The following USP28 variants were observed in gnomAD, a reference collection of about 807,000 sequenced individuals.
USP28 encodes ubiquitin specific peptidase 28.
USP28 carries 113 observed loss-of-function variants against 145.0 expected under a neutral mutation model. The ratio of observed to expected loss-of-function variants is 0.78; its 90% CI spans 0.67 to 0.91. USP28 has a LOEUF of 0.91. USP28 is among the 40% of genes least tolerant of loss of function. The probability of loss-of-function intolerance (pLI) is 0.00; values close to 1 mark genes in which losing one functional copy is unlikely to be tolerated. For synonymous variants in USP28, 447 were observed against 450.9 expected, an observed-to-expected ratio of 0.99 and a Z score of 0.11; for missense variants, 1,201 against 1,289.6, an observed-to-expected ratio of 0.93 and a Z score of 1.05.
At chr11:113,852,153 C>T (rs903479076) in intron 3 of USP28, among the ~76,000 whole-genome samples, 5 of 152,162 alleles carry the variant, frequency 3.3e-5, no homozygotes, top group Non-Finnish European at 5.9e-5. Flanking sequence ...CTCAGCCTCC[C>T]GAGCAGCTGG....
At chr11:113,856,910 C>T (rs950472483) in intron 1 of USP28, among the ~76,000 whole-genome samples, 1 of 152,070 alleles carries the variant, frequency 6.6e-6, no homozygotes, top group Non-Finnish European at 1.5e-5. Context: ...TCTTTGCACC[C>T]TAACAAGTTT....
chr11:113,811,202 G>C (rs1940929914), intron 16 of USP28, among the ~76,000 whole-genome samples: 1 of 152,072 alleles, frequency 6.6e-6, no homozygotes, highest in African/African-American at 2.4e-5. Flanking sequence ...TTTGGAATCT[G>C]TTATCCAGCT....
chr11:113,842,647 T>C (rs1180872885), intron 3 of USP28, among the ~76,000 whole-genome samples: 2 of 145,672 alleles, frequency 1.4e-5, no homozygotes, highest in African/African-American at 5.1e-5. Flanking sequence ...TAATACTAGA[T>C]GGAGCAGTAA....
At chr11:113,853,885 A>AC (rs1328607765) in intron 2 of USP28, among the ~76,000 whole-genome samples, 2 of 150,870 alleles carry the variant, frequency 1.3e-5, no homozygotes, top group African/African-American at 4.9e-5. Flanking sequence ...TCTCAAAAAA[A>AC]AAAAAAAGTA....
chr11:113,873,777 T>A (rs1287618461), intron 1 of USP28, among the ~76,000 whole-genome samples: 1 of 151,932 alleles, frequency 6.6e-6, no homozygotes, highest in Non-Finnish European at 1.5e-5. Flanking sequence ...ATATTTCCAT[T>A]AGAAGTCAGT....
chr11:113,812,176 T>C, intron 16 of USP28, 100 bp downstream of exon 16: 2 of 727,314 alleles, frequency 2.7e-6, no homozygotes, highest in South Asian at 2.3e-5. Context: ...TATTATATAA[T>C]AGTAAGTTGT....
Position 113,809,202 on chromosome 11 carries a change from C to G in USP28, c.2025G>C (p.Val675=), listed in dbSNP as rs778606704. ...CCTCCTGAATGTAATGCTTGAGTTC[C>G]ACAGATAGGGCTTCCACTTCTGACA... The change falls in exon 17 of 25, where the codon GTG becomes GTC. Residue 675 remains valine (V), a synonymous_variant. Transcript: ENST00000003302. 2.5e-6 allele frequency: 4 copies of G among 1,614,188 alleles called. No homozygotes were observed. In the East Asian group the frequency reaches 8.9e-5, roughly 36 times the overall value.
chr11:113,839,063 T>C (rs576200344), intron 5 of USP28, among the ~76,000 whole-genome samples: 9 of 152,344 alleles, frequency 5.9e-5, no homozygotes, highest in African/African-American at 2.2e-4. Flanking sequence ...TATTGCCATC[T>C]ATATGGTACT....
At chr11:113,803,248 G>A (rs374265697) in exon 23 of USP28, 7 of 1,613,432 alleles carry the variant, frequency 4.3e-6, no homozygotes, top group Non-Finnish European at 5.9e-6. Context: ...TGCTCTGGTA[G>A]GCATATACCA....
intron 24 of USP28, among the ~76,000 whole-genome samples, chr11:113,799,623 T>C (rs113813147): frequency 3.2e-4 from 49 of 152,354 alleles, no homozygotes; most frequent in African/African-American, 1.1e-3. Flanking sequence ...AACTATATAA[T>C]TACTTTATTA....
chr11:113,849,729 A>G (rs892216727), intron 3 of USP28, among the ~76,000 whole-genome samples: 4 of 152,176 alleles, frequency 2.6e-5, no homozygotes, highest in Admixed American at 6.5e-5. Flanking sequence ...AAACGCCAAT[A>G]AGAACTGTTC....
chr11:113,825,753 T>C (rs1943212102), intron 11 of USP28, among the ~76,000 whole-genome samples: 1 of 152,192 alleles, frequency 6.6e-6, no homozygotes, highest in Non-Finnish European at 1.5e-5. Context: ...ACCTACTAAA[T>C]ATTAATGTTA....
intron 6 of USP28, among the ~76,000 whole-genome samples, chr11:113,833,766 T>C (rs1201453432): frequency 6.6e-6 from 1 of 152,228 alleles, no homozygotes; most frequent in East Asian, 1.9e-4. Context: ...GACAGCACTG[T>C]TGGAAAAACA....
chr11:113,875,224 A>G (rs1949254692), intron 1 of USP28, among the ~76,000 whole-genome samples: 1 of 152,026 alleles, frequency 6.6e-6, no homozygotes, highest in Non-Finnish European at 1.5e-5. Flanking sequence ...ATCCCCCTAC[A>G]ACTTCAGCTC....
At chr11:113,818,755 G>T (rs909479469) in intron 12 of USP28, among the ~76,000 whole-genome samples, 2 of 151,986 alleles carry the variant, frequency 1.3e-5, no homozygotes, top group African/African-American at 4.8e-5. Context: ...CAGCTCCTTG[G>T]GAGGCTGAGG....
intron 11 of USP28, 105 bp from the exon 12 acceptor site, chr11:113,823,805 C>T: frequency 2.3e-6 from 2 of 852,796 alleles, no homozygotes; most frequent in Non-Finnish European, 3.4e-6. Flanking sequence ...AGATATAGGG[C>T]ATCTATAAAA....
chr11:113,875,337 G>C (rs1949268832), intron 1 of USP28, 108 bp downstream of exon 1: 2 of 957,130 alleles, frequency 2.1e-6, no homozygotes, highest in Admixed American at 5.1e-5. Context: ...TGTCCCGCCC[G>C]GCCGGGGCGC....
At chr11:113,823,963 T>C (rs988475911) in intron 11 of USP28, among the ~76,000 whole-genome samples, 3 of 152,162 alleles carry the variant, frequency 2.0e-5, no homozygotes, top group African/African-American at 7.2e-5. Context: ...ATGAAAGGCA[T>C]GCAGATAGTA....
rs1397213976 is a variant in USP28 at position 113,829,173 on chromosome 11, A to G, written c.1059+24T>C. 2.5e-6 allele frequency: 4 copies of G among 1,607,550 alleles called. No individual in the cohort carries two copies. The South Asian group carries it at 4.4e-5, about 18-fold the overall frequency. On this transcript the variant is annotated intron_variant, in intron 10 of 24. Coordinates refer to ENST00000003302, the Ensembl canonical transcript of USP28. The stretch of plus-strand genomic sequence containing the variant: ...ACTTAACTGGCTTTGTCACTGGCAC[A>G]GCAAATAAAGATCTCCAACGTACCT...
Sources: allele counts gnomAD v4.1 joint callset (sites outside exome capture counted in the v4.1 genomes callset), GRCh38; gene constraint gnomAD v4.1.1; transcripts MANE v1.5; gene names NCBI Gene and HGNC (gene_info 2026-07-23, HGNC 2026-07-21).